The following NAA11 variants were observed in gnomAD, a reference collection of about 807,000 sequenced individuals.
NAA11 encodes the protein N-alpha-acetyltransferase 11.
NAA11 carries 15 observed loss-of-function variants against 16.1 expected under a neutral mutation model. The observed-to-expected ratio is 0.93, with a 90% CI of 0.62 to 1.44. NAA11 has a LOEUF of 1.44. Ranked by LOEUF, NAA11 falls within the 40% of genes most tolerant of loss-of-function variation. The probability of loss-of-function intolerance (pLI) is 0.00; values close to 1 mark genes in which losing one functional copy is unlikely to be tolerated. For synonymous variants in NAA11, 122 were observed against 112.4 expected (o/e 1.09, Z -0.54); for missense variants, 298 against 291.3 (o/e 1.02, Z -0.17).
At chr4:79,275,281 AC>A (rs1442112535) in intron 2 of NAA11, among the ~76,000 whole-genome samples, 5 of 152,094 alleles carry the variant, frequency 3.3e-5, no homozygotes, top group Non-Finnish European at 7.4e-5. Context: ...GAAAATAGAG[AC>A]CAAGTTCTGT....
chr4:79,280,684 T>G (rs1276844227), intron 2 of NAA11, among the ~76,000 whole-genome samples: 2 of 151,978 alleles, frequency 1.3e-5, no homozygotes, highest in Non-Finnish European at 2.9e-5. Context: ...GGAAACTCTG[T>G]GGAGTTTGAG....
chr4:79,233,962 G>A (rs1417085292), intron 2 of NAA11, among the ~76,000 whole-genome samples: 1 of 151,992 alleles, frequency 6.6e-6, no homozygotes, highest in Non-Finnish European at 1.5e-5. Flanking sequence ...TGTCACTTGG[G>A]GAATCTGTCA....
At chr4:79,194,130 G>A in the NAA11 span, among the ~76,000 whole-genome samples, 66 of 152,086 alleles carry the variant, frequency 4.3e-4, no homozygotes, top group African/African-American at 1.4e-3. Flanking sequence ...GGGCTGAGAC[G>A]ATGGGGTTTT....
the NAA11 span, among the ~76,000 whole-genome samples, chr4:79,210,114 T>A: frequency 6.6e-6 from 1 of 152,142 alleles, no homozygotes; most frequent in East Asian, 1.9e-4. Flanking sequence ...ACAGGCTAAG[T>A]GTGAGCAACA....
downstream of NAA11, among the ~76,000 whole-genome samples, chr4:79,314,641 T>TAAAAAAAAAAAAAAAAAAAAAACA (rs1723874896): frequency 1.0e-5 from 1 of 98,048 alleles, no homozygotes; most frequent in African/African-American, 4.1e-5. Flanking sequence ...TCCTTAAAAT[T>TAAAAAAAAAAAAAAAAAAAAAACA]AAAAAAAAAA....
At chr4:79,294,959 G>T (rs1308914763) in intron 1 of NAA11, among the ~76,000 whole-genome samples, 1 of 152,116 alleles carries the variant, frequency 6.6e-6, no homozygotes, top group Non-Finnish European at 1.5e-5. Flanking sequence ...TATGGATATA[G>T]TAGGTGTTTA....
At chr4:79,252,559 T>G (rs913928496) in intron 2 of NAA11, among the ~76,000 whole-genome samples, 3 of 152,056 alleles carry the variant, frequency 2.0e-5, no homozygotes, top group Non-Finnish European at 2.9e-5. Flanking sequence ...GGTAATGGCA[T>G]AGAGAATGAT....
At chr4:79,187,998 C>CA in the NAA11 span, among the ~76,000 whole-genome samples, 219 of 74,160 alleles carry the variant, frequency 3.0e-3, 3 homozygotes, top group African/African-American at 7.5e-3. Flanking sequence ...GACTCCGTCT[C>CA]AAAAAAAAAA....
intron 1 of NAA11, among the ~76,000 whole-genome samples, chr4:79,294,411 G>A (rs1723162709): frequency 6.6e-6 from 1 of 152,188 alleles, no homozygotes; most frequent in Admixed American, 6.5e-5. Flanking sequence ...CTACATCAGT[G>A]ATTGGGAAAG....
chr4:79,236,632 T>G (rs2109958687), intron 2 of NAA11, among the ~76,000 whole-genome samples: 1 of 152,338 alleles, frequency 6.6e-6, no homozygotes, highest in African/African-American at 2.4e-5. Context: ...ATATCATTGC[T>G]GATACATTTT....
the NAA11 span, among the ~76,000 whole-genome samples, chr4:79,158,143 C>T: frequency 8.6e-4 from 129 of 149,714 alleles, no homozygotes; most frequent in African/African-American, 2.5e-3. Flanking sequence ...CCTCGTGATC[C>T]GCCTGCCTCG....
At chr4:79,166,037 C>T in the NAA11 span, among the ~76,000 whole-genome samples, 3 of 151,978 alleles carry the variant, frequency 2.0e-5, no homozygotes, top group African/African-American at 7.3e-5. Flanking sequence ...GTTATTTTAC[C>T]TATAGGTGGT....
intron 2 of NAA11, among the ~76,000 whole-genome samples, chr4:79,290,800 A>G (rs184737942): frequency 1.1e-3 from 170 of 152,284 alleles, no homozygotes; most frequent in African/African-American, 4.0e-3. Context: ...GATTTTTTAT[A>G]CTGAAATTAA....
chr4:79,207,388 AGG>A, the NAA11 span, among the ~76,000 whole-genome samples: 33 of 149,512 alleles, frequency 2.2e-4, no homozygotes, highest in Non-Finnish European at 3.6e-4. Flanking sequence ...AAAAAAAAAA[AGG>A]AGAGTTCTAA....
At chr4:79,171,856 A>G in the NAA11 span, among the ~76,000 whole-genome samples, 11 of 152,190 alleles carry the variant, frequency 7.2e-5, no homozygotes, top group Admixed American at 2.0e-4. Context: ...CCCAAAATGA[A>G]TCACAAAAAG....
the NAA11 span, among the ~76,000 whole-genome samples, chr4:79,200,156 T>C: frequency 6.6e-6 from 1 of 151,874 alleles, no homozygotes; most frequent in Admixed American, 6.6e-5. Context: ...ATTTACTAGT[T>C]GTGTGACCTG....
At chr4:79,309,179 C>T (rs1038132838) in intron 1 of NAA11, among the ~76,000 whole-genome samples, 1 of 152,194 alleles carries the variant, frequency 6.6e-6, no homozygotes, top group East Asian at 1.9e-4. Flanking sequence ...GGCTATGCCT[C>T]GGGCTGTTAA....
At chr4:79,223,087 C>T (rs1342335658), downstream of NAA11, among the ~76,000 whole-genome samples, 10 of 146,680 alleles carry the variant, frequency 6.8e-5, no homozygotes, top group East Asian at 2.0e-4. Flanking sequence ...GTCAGTGTGG[C>T]GATTCCTCAG....
At chr4:79,244,645 T>TCCCCATC (rs1435450473) in intron 2 of NAA11, 4 of 17,820 alleles carry the variant, frequency 2.2e-4, no homozygotes, top group African/African-American at 4.9e-4. Context: ...CCTCCCCGTC[T>TCCCCATC]CCGTCTCCCG....
Sources: gnomAD v4.1 joint callset for allele counts (sites outside exome capture counted in the v4.1 genomes callset) on GRCh38, gnomAD v4.1.1 for gene constraint, MANE v1.5 for transcripts, NCBI Gene and HGNC (gene_info 2026-07-23, HGNC 2026-07-21) for gene names.